The following ACBD6 variants were observed in gnomAD, a reference collection of about 807,000 sequenced individuals.
ACBD6 encodes acyl-CoA binding domain containing 6.
In ACBD6, 28 loss-of-function variants were observed where a neutral mutation model predicts 37.2. The ratio of observed to expected loss-of-function variants is 0.75; its 90% CI spans 0.56 to 1.03. The LOEUF (loss-of-function observed/expected upper bound fraction) is 1.03. Ranked by LOEUF, ACBD6 falls within the 50% of genes least tolerant of loss-of-function variation. The probability of loss-of-function intolerance (pLI) is 0.00; values close to 1 mark genes in which losing one functional copy is unlikely to be tolerated. For synonymous variants in ACBD6, 113 were observed against 126.8 expected (o/e 0.89, Z 0.73); for missense variants, 340 against 337.4 (o/e 1.01, Z -0.06).
At chr1:180,462,622 A>G (rs531039544) in intron 3 of ACBD6, among the ~76,000 whole-genome samples, 25 of 152,220 alleles carry the variant, frequency 1.6e-4, no homozygotes, top group African/African-American at 6.0e-4. Context: ...ACCCTCACAC[A>G]ATAATATTGG....
At position 180,406,588 on chromosome 1, in the gene ACBD6, T is replaced by C. The variant is rs1191073106; in HGVS notation, c.573+6778A>G. On this transcript the variant is annotated intron_variant, in intron 5 of 7. Transcript: ENST00000367595. The stretch of plus-strand genomic sequence containing the variant: ...CAAATGTATGTATTTCAAATAATAA[T>C]TTATAAATTATAGATTCATAGCTAT... 3.9e-5 allele frequency among the ~76,000 whole-genome samples: 6 copies of C among 152,238 alleles called. No individual in the cohort carries two copies. In the East Asian group the frequency reaches 9.6e-4, roughly 24 times the overall value.
chr1:180,425,768 A>G (rs1401773398), intron 4 of ACBD6, among the ~76,000 whole-genome samples: 2 of 152,166 alleles, frequency 1.3e-5, no homozygotes, highest in Non-Finnish European at 2.9e-5. Context: ...TTTTTCTCCA[A>G]TCATATCTCT....
intron 7 of ACBD6, among the ~76,000 whole-genome samples, chr1:180,307,784 G>A (rs190551329): frequency 9.9e-5 from 15 of 152,226 alleles, no homozygotes; most frequent in Non-Finnish European, 1.9e-4. Context: ...GTAAAATCCC[G>A]TCTCTACTAA....
In ACBD6 at chr1:180,386,755, T is replaced by G. The variant is rs867264082; in HGVS notation, c.663+10761A>C. Among the ~76,000 whole-genome samples the G allele has an allele frequency of 7.2e-5, 11 of 152,302 alleles. No individual in the cohort carries two copies. In the South Asian group the frequency reaches 2.3e-3, roughly 32 times the overall value. ...ATTATATTTGCAATTCTATAATTTC[T>G]ATTTAGTTCCTTTTTAGATCTCTTA... On this transcript the variant is annotated intron_variant, in intron 6 of 7. Coordinates refer to ENST00000367595, the MANE Select transcript of ACBD6 (RefSeq NM_032360.4).
rs189884610 is a variant in ACBD6, at chr1:180,416,095, T to G, written c.468-2624A>C. On this transcript the variant is annotated intron_variant, in intron 4 of 7. Transcript: ENST00000367595. Reference sequence around the variant, plus strand: ...GGCTGAATGACGAATATAAAAAAATTAAGTGACACTCTTGGGCTTACTTGT... The same window carrying G: ...GGCTGAATGACGAATATAAAAAAATGAAGTGACACTCTTGGGCTTACTTGT... 2.6e-5 allele frequency among the ~76,000 whole-genome samples: 4 copies of G among 152,258 alleles called. No individual in the cohort carries two copies. In the East Asian group the frequency reaches 7.7e-4, roughly 29 times the overall value.
chr1:180,312,057 A>AGAAGG (rs1380887807), intron 7 of ACBD6, among the ~76,000 whole-genome samples: 16 of 152,226 alleles, frequency 1.1e-4, no homozygotes, highest in African/African-American at 3.9e-4. Flanking sequence ...TGCCTTAGAT[A>AGAAGG]TTCCTGGCTC....
chr1:180,372,299 T>C (rs1158020877), intron 6 of ACBD6, among the ~76,000 whole-genome samples: 2 of 152,136 alleles, frequency 1.3e-5, no homozygotes, highest in African/African-American at 2.4e-5. Context: ...AACAATTAAC[T>C]TTCTGTCCTA....
chr1:180,348,539 T>C (rs775872154), intron 6 of ACBD6, among the ~76,000 whole-genome samples: 33 of 152,212 alleles, frequency 2.2e-4, no homozygotes, highest in Non-Finnish European at 2.8e-4. Context: ...AGCTCAAAGA[T>C]GTTAAGTGTT....
intron 6 of ACBD6, among the ~76,000 whole-genome samples, chr1:180,393,398 G>A (rs1654146984): frequency 6.6e-6 from 1 of 152,098 alleles, no homozygotes; most frequent in African/African-American, 2.4e-5. Flanking sequence ...TTACTGCTTC[G>A]TTTCAGACTA....
intron 5 of ACBD6, among the ~76,000 whole-genome samples, chr1:180,400,957 A>G (rs903578186): frequency 7.2e-5 from 11 of 152,296 alleles, no homozygotes; most frequent in African/African-American, 1.4e-4. Flanking sequence ...ACTATTTTAC[A>G]TATTTGTCTA....
At chr1:180,332,320 A>C (rs1651516802) in intron 6 of ACBD6, among the ~76,000 whole-genome samples, 1 of 152,184 alleles carries the variant, frequency 6.6e-6, no homozygotes, top group East Asian at 1.9e-4. Context: ...TCTGTTCTTC[A>C]GACAGCAGTT....
intron 3 of ACBD6, among the ~76,000 whole-genome samples, chr1:180,473,690 A>G: frequency 6.6e-6 from 1 of 152,158 alleles, no homozygotes; most frequent in East Asian, 1.9e-4. Flanking sequence ...TGTATATACA[A>G]TTTTGCTGTT....
intron 6 of ACBD6, among the ~76,000 whole-genome samples, chr1:180,352,790 T>C (rs1270093289): frequency 1.3e-5 from 2 of 152,244 alleles, no homozygotes; most frequent in Non-Finnish European, 2.9e-5. Flanking sequence ...CCCTGCTGAA[T>C]CAGCATATCT....
At chr1:180,285,625 C>G (rs1649467883), downstream of ACBD6, among the ~76,000 whole-genome samples, 2 of 152,150 alleles carry the variant, frequency 1.3e-5, no homozygotes, top group Admixed American at 1.3e-4. Context: ...ACGCTCAACT[C>G]TTCTGCAACC....
intron 3 of ACBD6, among the ~76,000 whole-genome samples, chr1:180,460,314 C>CTT (rs752358272): frequency 6.6e-6 from 1 of 152,106 alleles, no homozygotes; most frequent in Non-Finnish European, 1.5e-5. Flanking sequence ...AGGCTGCCAT[C>CTT]TTTGCTGTTT....
chr1:180,443,584 G>A (rs1243273741), intron 3 of ACBD6, among the ~76,000 whole-genome samples: 2 of 151,984 alleles, frequency 1.3e-5, no homozygotes, highest in East Asian at 3.9e-4. Flanking sequence ...TAATAAATGG[G>A]ACGCACCTGC....
At chr1:180,297,241 G>A (rs1649953828) in intron 7 of ACBD6, among the ~76,000 whole-genome samples, 1 of 152,088 alleles carries the variant, frequency 6.6e-6, no homozygotes, top group Non-Finnish European at 1.5e-5. Context: ...GCACAGAGCC[G>A]ACAGCCAAAA....
chr1:180,301,586 G>A (rs1650133083), intron 7 of ACBD6, among the ~76,000 whole-genome samples: 1 of 152,012 alleles, frequency 6.6e-6, no homozygotes, highest in Non-Finnish European at 1.5e-5. Flanking sequence ...TCAAGTTATG[G>A]TACATATCAA....
chr1:180,485,581 G>T (rs59022209), intron 3 of ACBD6, among the ~76,000 whole-genome samples: 24,008 of 152,192 alleles, frequency 0.16, 1,953 homozygotes, highest in Middle Eastern at 0.23. Flanking sequence ...AGCTGGAAGA[G>T]GCAAGAAATG....
Sources: allele counts gnomAD v4.1 joint callset (sites outside exome capture counted in the v4.1 genomes callset), GRCh38; gene constraint gnomAD v4.1.1; transcripts MANE v1.5; gene names NCBI Gene and HGNC (gene_info 2026-07-23, HGNC 2026-07-21).